Variants in ASIC2 observed in about 807,000 individuals in gnomAD.
ASIC2 encodes the protein acid sensing ion channel subunit 2, also known as acid-sensing ion channel 2.
In ASIC2, 25 loss-of-function variants were observed where a neutral mutation model predicts 57.3. The observed-to-expected ratio is 0.44, with a 90% CI of 0.32 to 0.61. The LOEUF is 0.61. ASIC2 is among the 20% of genes least tolerant of loss of function. The probability of loss-of-function intolerance (pLI) is 0.06; values close to 1 mark genes in which losing one functional copy is unlikely to be tolerated. For missense variants in ASIC2, 641 were observed against 738.1 expected (o/e 0.87, Z 1.52); for synonymous variants, 319 against 307.5 (o/e 1.04, Z -0.39).
At position 33,237,269 on chromosome 17, in the gene ASIC2, C is replaced by T. The variant is rs1292985679; in HGVS notation, c.708+54139G>A. 2.0e-5 allele frequency among the ~76,000 whole-genome samples: 3 copies of T among 151,878 alleles called. No homozygotes were observed. In the East Asian group the frequency reaches 5.8e-4, roughly 29 times the overall value. On this transcript the variant is annotated intron_variant, in intron 1 of 9. Coordinates refer to ENST00000225823, the MANE Select transcript of ASIC2 (RefSeq NM_183377.2). ...CCATCTAGGGCTGGGCCTGAGGCTG[C>T]AGAATGGAGGCCACAGCAGGGTTTG...
Position 33,403,623 on chromosome 17 carries a change from C to A in ASIC2, c.556-291556G>T, listed in dbSNP as rs539234939. ...AAGCCCCTGAGTAAGTGAAAATAAT[C>A]GCTCAGACAGGTGTGGGATTTGCTG... On this transcript the variant is annotated intron_variant, in intron 1 of 9. Transcript: ENST00000359872. Among the ~76,000 whole-genome samples, 10 of 152,328 alleles carry A rather than the reference C, an allele frequency of 6.6e-5. No individual in the cohort carries two copies. The South Asian group carries it at 1.7e-3, about 25-fold the overall frequency.
chr17:33,801,131 G>T (rs1243435873), intron 1 of ASIC2, among the ~76,000 whole-genome samples: 1 of 152,174 alleles, frequency 6.6e-6, no homozygotes, highest in African/African-American at 2.4e-5. Flanking sequence ...GTGGCCTGGA[G>T]AACTAGACTT....
intron 1 of ASIC2, among the ~76,000 whole-genome samples, chr17:33,932,368 A>G (rs1203862079): frequency 6.6e-6 from 1 of 152,160 alleles, no homozygotes; most frequent in African/African-American, 2.4e-5. Context: ...TATTGATTGC[A>G]TGTGGAAATG....
chr17:33,218,584 A>G (rs552881077), intron 1 of ASIC2, among the ~76,000 whole-genome samples: 56 of 151,164 alleles, frequency 3.7e-4, no homozygotes, highest in African/African-American at 1.3e-3. Context: ...ATTAAGTGGG[A>G]GCATCCACTA....
chr17:33,913,529 T>C lies in ASIC2; in HGVS notation c.555+242449A>G, dbSNP rs1915513830. Among the ~76,000 whole-genome samples the C allele has an allele frequency of 1.3e-5, 2 of 152,192 alleles. 1 individual carries two copies. Among genetic ancestry groups the C allele is most frequent in the South Asian group, 4.1e-4 (2 of 4,828 alleles). On this transcript the variant is annotated intron_variant, in intron 1 of 9. Coordinates refer to the ASIC2 transcript ENST00000359872. The stretch of plus-strand genomic sequence containing the variant: ...GCCCATGCCAATTCTTCTGAATCAT[T>C]TTCTATGATAAACTGAATTCCAGGA...
chr17:33,028,138 G>T, intron 4 of ASIC2, 104 bp downstream of exon 4: 1 of 1,434,884 alleles, frequency 7.0e-7, no homozygotes, highest in Non-Finnish European at 9.5e-7. Flanking sequence ...TCATCCTTTT[G>T]GATCCCAGCG....
chr17:33,579,622 G>A (rs1291468021), intron 1 of ASIC2, among the ~76,000 whole-genome samples: 2 of 152,164 alleles, frequency 1.3e-5, no homozygotes, highest in African/African-American at 2.4e-5. Context: ...TCCTTCAGGT[G>A]TTCAGCTGCG....
At chr17:33,785,947 G>A (rs979244823) in intron 1 of ASIC2, among the ~76,000 whole-genome samples, 3 of 152,160 alleles carry the variant, frequency 2.0e-5, no homozygotes, top group Non-Finnish European at 2.9e-5. Context: ...GACCAGCACA[G>A]GTTTACTGCT....
chr17:33,958,635 G>A (rs373839696), intron 1 of ASIC2, among the ~76,000 whole-genome samples: 3 of 152,106 alleles, frequency 2.0e-5, no homozygotes, highest in Admixed American at 2.0e-4. Flanking sequence ...CACACTGAAG[G>A]GGGGGTCTTG....
chr17:33,969,846 C>T (rs1360759391), intron 1 of ASIC2, among the ~76,000 whole-genome samples: 2 of 152,040 alleles, frequency 1.3e-5, no homozygotes, highest in African/African-American at 4.8e-5. Context: ...ATGGTGAGTG[C>T]CAAGGGGATA....
intron 1 of ASIC2, among the ~76,000 whole-genome samples, chr17:33,916,180 A>G (rs141680696): frequency 1.3e-5 from 2 of 151,992 alleles, no homozygotes; most frequent in African/African-American, 4.8e-5. Context: ...TAGGCATGCA[A>G]CTCCAGGGTG....
intron 1 of ASIC2, among the ~76,000 whole-genome samples, chr17:34,130,513 G>A (rs571094558): frequency 6.6e-6 from 1 of 152,320 alleles, no homozygotes; most frequent in African/African-American, 2.4e-5. Context: ...GTGTTGTCTG[G>A]ACACACAGGG....
At chr17:33,324,208 C>T (rs920658947) in intron 1 of ASIC2, among the ~76,000 whole-genome samples, 7 of 152,124 alleles carry the variant, frequency 4.6e-5, no homozygotes, top group African/African-American at 1.7e-4. Context: ...TGTATTTTCC[C>T]TCAGAGAAGA....
chr17:33,985,987 C>T (rs1905805759), intron 1 of ASIC2, among the ~76,000 whole-genome samples: 1 of 152,172 alleles, frequency 6.6e-6, no homozygotes, highest in African/African-American at 2.4e-5. Flanking sequence ...TCTCAAAGGC[C>T]ACCTTTTAGA....
At chr17:33,396,709 A>T (rs1037674858) in intron 1 of ASIC2, among the ~76,000 whole-genome samples, 2 of 152,198 alleles carry the variant, frequency 1.3e-5, no homozygotes, top group Non-Finnish European at 2.9e-5. Context: ...AGCATTTCTC[A>T]TCATGGGGAC....
chr17:33,333,617 C>T (rs1270140873), intron 1 of ASIC2, among the ~76,000 whole-genome samples: 1 of 152,042 alleles, frequency 6.6e-6, no homozygotes, highest in Non-Finnish European at 1.5e-5. Context: ...TTCTACTTCT[C>T]TGTGTTTTTT....
At chr17:33,076,783 G>A (rs1465201286) in intron 3 of ASIC2, among the ~76,000 whole-genome samples, 1 of 152,112 alleles carries the variant, frequency 6.6e-6, no homozygotes, top group African/African-American at 2.4e-5. Flanking sequence ...GCAGGGGGTG[G>A]GGGAAATGCA....
At chr17:33,636,629 G>T (rs1328376800) in intron 1 of ASIC2, among the ~76,000 whole-genome samples, 1 of 152,114 alleles carries the variant, frequency 6.6e-6, no homozygotes, top group Non-Finnish European at 1.5e-5. Context: ...GCTGCTTTCC[G>T]CAGCTGAGAA....
chr17:33,828,673 A>G (rs1913018334), intron 1 of ASIC2, among the ~76,000 whole-genome samples: 1 of 152,246 alleles, frequency 6.6e-6, no homozygotes, highest in Non-Finnish European at 1.5e-5. Context: ...TGGAAAAAAG[A>G]GGGTGAAACG....
Sources: gnomAD v4.1 joint callset for allele counts (sites outside exome capture counted in the v4.1 genomes callset) on GRCh38, gnomAD v4.1.1 for gene constraint, MANE v1.5 for transcripts, NCBI Gene and HGNC (gene_info 2026-07-23, HGNC 2026-07-21) for gene names.